Variants in CMKLR1 observed in about 807,000 individuals in gnomAD.
CMKLR1 encodes the protein chemerin chemokine-like receptor 1, also known as chemerin-like receptor 1.
Under a neutral mutation model 8.2 loss-of-function variants are expected in CMKLR1, and 6 were observed. The observed-to-expected ratio is 0.73, with a 90% CI of 0.40 to 1.44. The LOEUF is 1.44. CMKLR1 is among the 40% of genes most tolerant of loss of function. CMKLR1 has a pLI of 0.02. For synonymous variants in CMKLR1, 178 were observed against 181.2 expected (o/e 0.98, Z 0.14); for missense variants, 429 against 478.0 (o/e 0.90, Z 0.96).
Position 108,292,758 on chromosome 12 carries a change from T to C in CMKLR1, c.205A>G (p.Met69Val), listed in dbSNP as rs202104056. 2.3e-4 allele frequency: 366 copies of C among 1,614,034 alleles called. No individual in the cohort carries two copies. The highest frequency in any genetic ancestry group is 2.9e-4 in the Non-Finnish European group (348 of 1,180,032). The change falls in exon 4 of 4, where the codon ATG (methionine) becomes GTG (valine). Residue 69 changes from methionine (M) to valine (V), a missense_variant. By Grantham distance (21) the Met-to-Val change is conservative. Coordinates refer to ENST00000550402, the MANE Select transcript of CMKLR1 (RefSeq NM_001142343.2). ...CAGACCATGTTCACTGTCTTCTTCA[T>C]CTTGAAGGTGGCAATGATGATCACC... ...GLVIIIATFK[M>V]KKTVNMVWFL...
intron 2 of CMKLR1, among the ~76,000 whole-genome samples, chr12:108,305,207 T>G (rs1251175175): frequency 6.6e-6 from 1 of 152,236 alleles, no homozygotes; most frequent in African/African-American, 2.4e-5. Context: ...AGCCTAGAAC[T>G]GTGCCTGGGA....
chr12:108,308,121 T>C (rs1477194619), intron 2 of CMKLR1, among the ~76,000 whole-genome samples: 1 of 152,132 alleles, frequency 6.6e-6, no homozygotes, highest in Admixed American at 6.5e-5. Context: ...CATCTGGAAG[T>C]AGGTTTCACT....
chr12:108,305,851 G>A (rs765172975), intron 2 of CMKLR1, among the ~76,000 whole-genome samples: 86 of 152,272 alleles, frequency 5.6e-4, no homozygotes, highest in Admixed American at 9.2e-4. Flanking sequence ...GGGCCACGAC[G>A]GAGCTTAGGA....
At chr12:108,338,413 T>C (rs1892280701) in intron 1 of CMKLR1, among the ~76,000 whole-genome samples, 1 of 152,188 alleles carries the variant, frequency 6.6e-6, no homozygotes, top group South Asian at 2.1e-4. Flanking sequence ...CATCTAGATA[T>C]TATTCTCGAC....
intron 2 of CMKLR1, among the ~76,000 whole-genome samples, chr12:108,299,511 C>T (rs890599102): frequency 6.6e-6 from 1 of 152,142 alleles, no homozygotes; most frequent in South Asian, 2.1e-4. Flanking sequence ...CCCCCTGCCC[C>T]CAAATGGTGC....
rs185788348 is a variant in CMKLR1 at position 108,335,509 on chromosome 12, T to C, written c.-287+3518A>G. Among the ~76,000 whole-genome samples, 218 of 152,374 alleles carry C rather than the reference T, an allele frequency of 1.4e-3. 2 individuals carry two copies. Among genetic ancestry groups the C allele is most frequent in the African/African-American group, 4.9e-3 (204 of 41,590 alleles). ...AAATACTTGCCTTATAATAAAGCTC[T>C]GCTTTGCTTCAGCCCTTATGCCTTT... On this transcript the variant is annotated intron_variant, in intron 1 of 3. Transcript: ENST00000550402.
chr12:108,292,122 G>A lies in CMKLR1; in HGVS notation c.841C>T (p.Leu281Phe). ...LCWCPYHTLN[L>F]LELHHTAMPG... The stretch of plus-strand genomic sequence containing the variant: ...ATGGCAGTGTGGTGGAGCTCTAGGA[G>A]GTTGAGTGTGTGGTAGGGGCACCAG... The change falls in exon 4 of 4, where the codon CTC (leucine) becomes TTC (phenylalanine). Residue 281 changes from leucine to phenylalanine, a missense_variant. Physicochemically the swap from Leu to Phe is conservative, Grantham distance 22 (BLOSUM62 0). Coordinates refer to ENST00000550402, the MANE Select transcript of CMKLR1 (RefSeq NM_001142343.2). 1.2e-6 allele frequency: 2 copies of A among 1,614,204 alleles called. No homozygotes were observed. The highest frequency in any genetic ancestry group is 1.7e-6 in the Non-Finnish European group (2 of 1,180,030).
At position 108,295,917 on chromosome 12, in the gene CMKLR1, C is replaced by T. The variant is rs965081735; in HGVS notation, c.-73-2253G>A. Among the ~76,000 whole-genome samples the T allele has an allele frequency of 2.4e-4, 36 of 152,294 alleles. 1 individual carries two copies. The highest frequency in any genetic ancestry group is 7.3e-5 in the Non-Finnish European group (5 of 68,028). ...TTTTCATCTTAGAGCTGGGGCCAGG[C>T]TGGGCTGGCACAGAATGATGCTGAC... is the stretch of plus-strand genomic sequence containing the variant. On this transcript the variant is annotated intron_variant, in intron 2 of 3. Transcript: ENST00000550402.
intron 2 of CMKLR1, among the ~76,000 whole-genome samples, chr12:108,306,978 G>A (rs1282240440): frequency 6.6e-6 from 1 of 152,096 alleles, no homozygotes; most frequent in Non-Finnish European, 1.5e-5. Flanking sequence ...CCGTACACAA[G>A]CCCTAAGTAT....
Position 108,293,672 on chromosome 12 carries a change from GAAAAAAAAAA to G in CMKLR1, c.-73-18_-73-9del. ...GTACACAGCTAGAAACACCTGTAGG[GAAAAAAAAAA>G]AAAAAAAAGCAGCAATTGGATCCAG... On this transcript the variant is annotated splice_polypyrimidine_tract_variant and intron_variant, in intron 2 of 3. Transcript: ENST00000550402. 1 of 901,972 alleles carries G rather than the reference GAAAAAAAAAA, an allele frequency of 1.1e-6. No individual in the cohort carries two copies. The highest frequency in any genetic ancestry group is 1.8e-5 in the South Asian group (1 of 54,398). The allele number at this position is 901,972 out of a possible 1,614,324, so 55.9% of individuals were successfully genotyped here. A position where few individuals can be genotyped will look rare whatever the true frequency, so the allele number is the denominator to read the frequency against.
chr12:108,296,900 A>G, intron 2 of CMKLR1, among the ~76,000 whole-genome samples: 1 of 152,182 alleles, frequency 6.6e-6, no homozygotes, highest in Non-Finnish European at 1.5e-5. Context: ...AAGTGGGGGT[A>G]AGAACACCTT....
Position 108,292,400 on chromosome 12 carries a change from G to A in CMKLR1, c.563C>T (p.Ser188Phe), listed in dbSNP as rs2137291417. Residue 188 changes from serine to phenylalanine, a missense_variant, in exon 4 of 4, where the codon TCC becomes TTC. Physicochemically the swap from Ser to Phe is radical, Grantham distance 155. Coordinates refer to ENST00000550402, the MANE Select transcript of CMKLR1 (RefSeq NM_001142343.2). The stretch of plus-strand genomic sequence containing the variant: ...GGACAGGCTGAAGTTGTTGAAGCAG[G>A]ATATTTTCCCATGCAGGTTGGCTGT... Reference protein sequence around the residue: ...RDTANLHGKISCFNNFSLSTP... With the variant: ...RDTANLHGKIFCFNNFSLSTP... 2 of 1,614,172 alleles carry A rather than the reference G, an allele frequency of 1.2e-6. No individual in the cohort carries two copies. Among genetic ancestry groups the A allele is most frequent in the Non-Finnish European group, 8.5e-7 (1 of 1,180,030 alleles).
intron 2 of CMKLR1, among the ~76,000 whole-genome samples, chr12:108,295,046 G>A (rs560954289): frequency 7.2e-5 from 11 of 152,216 alleles, no homozygotes; most frequent in African/African-American, 2.2e-4. Flanking sequence ...TGCCCACCAA[G>A]GGGTCTCCAA....
intron 2 of CMKLR1, among the ~76,000 whole-genome samples, chr12:108,326,554 T>C (rs2137337742): frequency 6.6e-6 from 1 of 152,074 alleles, no homozygotes; most frequent in East Asian, 1.9e-4. Flanking sequence ...CCATAATCAG[T>C]ATAGAAAGGG....
chr12:108,319,482 C>CA (rs1891806881), intron 2 of CMKLR1, among the ~76,000 whole-genome samples: 1 of 152,228 alleles, frequency 6.6e-6, no homozygotes, highest in African/African-American at 2.4e-5. Flanking sequence ...CCAGCTCTGT[C>CA]ACTTACTACC....
chr12:108,293,669 A>T lies in CMKLR1; in HGVS notation c.-73-5T>A. ...CCTGTACACAGCTAGAAACACCTGT[A>T]GGGAAAAAAAAAAAAAAAAAAGCAG... On this transcript the variant is annotated splice_region_variant and splice_polypyrimidine_tract_variant and intron_variant, in intron 2 of 3. Coordinates refer to ENST00000550402, the MANE Select transcript of CMKLR1 (RefSeq NM_001142343.2). 5.8e-4 allele frequency: 519 copies of T among 888,778 alleles called. No homozygotes were observed. The highest frequency in any genetic ancestry group is 8.0e-4 in the Non-Finnish European group (479 of 601,080). 55.1% of individuals were successfully genotyped at this position (888,778 alleles called of 1,614,324 possible). A position where few individuals can be genotyped will look rare whatever the true frequency, so the allele number is the denominator to read the frequency against.
chr12:108,320,334 C>T (rs148760527), intron 2 of CMKLR1, among the ~76,000 whole-genome samples: 3 of 152,186 alleles, frequency 2.0e-5, no homozygotes, highest in Middle Eastern at 3.4e-3. Context: ...GACTAGGGGA[C>T]GAAGCCCTGA....
intron 1 of CMKLR1, among the ~76,000 whole-genome samples, chr12:108,330,530 C>A (rs1252340698): frequency 6.6e-6 from 1 of 152,196 alleles, no homozygotes; most frequent in African/African-American, 2.4e-5. Context: ...TGTGGACTTC[C>A]ATCCCTGGAC....
intron 2 of CMKLR1, among the ~76,000 whole-genome samples, chr12:108,295,752 C>T (rs1195517331): frequency 3.3e-5 from 5 of 152,216 alleles, no homozygotes; most frequent in Admixed American, 6.5e-5. Context: ...GTGTGTGAGT[C>T]CCGAGAGGAG....
Sources: allele counts gnomAD v4.1 joint callset (sites outside exome capture counted in the v4.1 genomes callset), GRCh38; gene constraint gnomAD v4.1.1; transcripts MANE v1.5; gene names NCBI Gene and HGNC (gene_info 2026-07-23, HGNC 2026-07-21).